The following EPHA6 variants were observed in gnomAD, a reference collection of about 807,000 sequenced individuals.
EPHA6 encodes ephrin type-A receptor 6.
In EPHA6, 50 loss-of-function variants were observed where a neutral mutation model predicts 112.0. That is an observed-to-expected ratio of 0.45 (90% CI 0.36 to 0.56). The LOEUF is 0.56. Ranked by LOEUF, EPHA6 falls within the 20% of genes least tolerant of loss-of-function variation. The pLI, the probability that EPHA6 is intolerant of heterozygous loss-of-function variation, is 0.00. For missense variants in EPHA6, 1,280 were observed against 1,417.4 expected (o/e 0.90, Z 1.56); for synonymous variants, 529 against 490.7 (o/e 1.08, Z -1.03).
chr3:97,572,147 C>CTTT (rs869271956), intron 11 of EPHA6, among the ~76,000 whole-genome samples: 60 of 128,364 alleles, frequency 4.7e-4, no homozygotes, highest in Non-Finnish European at 6.0e-4. Context: ...ATCTCTTTTC[C>CTTT]TTTTTTTTTT....
At chr3:97,035,891 G>C (rs2045073557) in intron 3 of EPHA6, among the ~76,000 whole-genome samples, 1 of 151,914 alleles carries the variant, frequency 6.6e-6, no homozygotes, top group Non-Finnish European at 1.5e-5. Flanking sequence ...GTGGAAATCG[G>C]ATTCTCAGTG....
intron 5 of EPHA6, among the ~76,000 whole-genome samples, chr3:97,347,066 A>T (rs897896598): frequency 6.6e-6 from 1 of 152,218 alleles, no homozygotes; most frequent in South Asian, 2.1e-4. Flanking sequence ...GAAAAATGGT[A>T]ATTGGAGAGA....
At chr3:97,081,362 T>G (rs2108199231) in intron 3 of EPHA6, among the ~76,000 whole-genome samples, 1 of 151,900 alleles carries the variant, frequency 6.6e-6, no homozygotes, top group African/African-American at 2.4e-5. Context: ...CAATAGAAAA[T>G]CAGGCAAAGG....
chr3:97,264,976 G>C (rs748847748), intron 5 of EPHA6, among the ~76,000 whole-genome samples: 12 of 152,188 alleles, frequency 7.9e-5, no homozygotes, highest in Non-Finnish European at 1.8e-4. Flanking sequence ...TTGTCCCAAC[G>C]AGCGTTCAGC....
intron 10 of EPHA6, 67 bp from the exon 11 acceptor site, chr3:97,532,291 C>A: frequency 7.3e-7 from 1 of 1,379,164 alleles, no homozygotes; most frequent in Non-Finnish European, 9.9e-7. Flanking sequence ...CACTGTATGA[C>A]AGTTTGACTC....
chr3:97,343,584 TGACCCATAGACTTAA>T (rs1193017889), intron 5 of EPHA6, among the ~76,000 whole-genome samples: 9 of 152,240 alleles, frequency 5.9e-5, no homozygotes, highest in Admixed American at 1.3e-4. Flanking sequence ...AGTGTGGGTG[TGACCCATAGACTTAA>T]TTGGCCATCT....
At position 97,757,975 on chromosome 3, in the gene EPHA6, T is replaced by C. The variant is rs1044415116; in HGVS notation, c.*9274T>C. ...TCTTTTATTTAATATTAGTCTGATA[T>C]CCCCTAAAATTTGCTAGAGAAAGCA... On this transcript the variant is annotated 3_prime_UTR_variant, in exon 18 of 18. Transcript: ENST00000389672. 2.6e-5 allele frequency among the ~76,000 whole-genome samples: 4 copies of C among 151,906 alleles called. No homozygotes were observed. The highest frequency in any genetic ancestry group is 5.9e-5 in the Non-Finnish European group (4 of 67,822).
intron 3 of EPHA6, among the ~76,000 whole-genome samples, chr3:97,174,510 C>T (rs1324634937): frequency 6.6e-6 from 1 of 151,862 alleles, no homozygotes; most frequent in Non-Finnish European, 1.5e-5. Context: ...ATTTACATTC[C>T]CACACAGTAT....
intron 2 of EPHA6, among the ~76,000 whole-genome samples, chr3:96,941,245 G>A (rs1188020100): frequency 3.3e-5 from 5 of 152,124 alleles, no homozygotes; most frequent in South Asian, 2.1e-4. Context: ...CCAATCAGTC[G>A]TAGATTTGTT....
chr3:97,736,133 G>A lies in EPHA6; in HGVS notation c.3128+15G>A. ...GACATCCTTGTGTAAGAGGCATAAT[G>A]TTGAGTTTTTTTCTTCTTGACAATT... On this transcript the variant is annotated intron_variant, in intron 16 of 17. Coordinates refer to ENST00000389672, the MANE Select transcript of EPHA6 (RefSeq NM_001080448.3). The A allele has an allele frequency of 5.0e-6, 8 of 1,590,706 alleles. No individual in the cohort carries two copies. Among genetic ancestry groups the A allele is most frequent in the Non-Finnish European group, 6.0e-6 (7 of 1,165,332 alleles).
In EPHA6 at chr3:96,854,328, C is replaced by T. The variant is rs370037578; in HGVS notation, c.386-12497C>T. On this transcript the variant is annotated intron_variant, in intron 1 of 17. Coordinates refer to ENST00000389672, the MANE Select transcript of EPHA6 (RefSeq NM_001080448.3). Reference sequence around the variant, plus strand: ...CCAAGTAGCTGGGACTACAGGTGCACGCCACCACACCCAGCTAATTTTTGT... The same window carrying T: ...CCAAGTAGCTGGGACTACAGGTGCATGCCACCACACCCAGCTAATTTTTGT... Among the ~76,000 whole-genome samples the T allele has an allele frequency of 4.6e-4, 70 of 151,664 alleles. No individual in the cohort carries two copies. The East Asian group carries it at 0.012, about 25-fold the overall frequency.
At chr3:97,743,183 G>C (rs1011262996) in intron 16 of EPHA6, among the ~76,000 whole-genome samples, 5 of 152,102 alleles carry the variant, frequency 3.3e-5, no homozygotes, top group African/African-American at 9.6e-5. Flanking sequence ...TACTCTTCTA[G>C]GTTCTTTATT....
chr3:97,523,955 A>G (rs540298281), intron 10 of EPHA6, among the ~76,000 whole-genome samples: 1 of 152,118 alleles, frequency 6.6e-6, no homozygotes, highest in East Asian at 1.9e-4. Context: ...CTCTTATTCC[A>G]TACCTTTGCT....
intron 2 of EPHA6, among the ~76,000 whole-genome samples, chr3:96,913,206 ACACACAC>A (rs1559825519): frequency 8.4e-6 from 1 of 119,058 alleles, no homozygotes; most frequent in African/African-American, 3.3e-5. Flanking sequence ...ACACACACAC[ACACACAC>A]CACACACACG....
intron 3 of EPHA6, among the ~76,000 whole-genome samples, chr3:97,084,359 G>A (rs912811847): frequency 2.7e-5 from 4 of 150,652 alleles, no homozygotes; most frequent in Admixed American, 1.3e-4. Flanking sequence ...ATATACACAC[G>A]CACACAAATA....
At chr3:97,600,624 C>G (rs907335439) in intron 12 of EPHA6, among the ~76,000 whole-genome samples, 1 of 151,968 alleles carries the variant, frequency 6.6e-6, no homozygotes, top group East Asian at 1.9e-4. Context: ...ACTCTCTTCC[C>G]CAAGAAAATG....
chr3:97,380,758 CA>C (rs1399250049), intron 5 of EPHA6, among the ~76,000 whole-genome samples: 4 of 152,022 alleles, frequency 2.6e-5, no homozygotes, highest in African/African-American at 9.7e-5. Flanking sequence ...TTTATGTAGC[CA>C]AATATCCATC....
chr3:97,521,242 T>C (rs1478605137), intron 10 of EPHA6, among the ~76,000 whole-genome samples: 1 of 152,118 alleles, frequency 6.6e-6, no homozygotes, highest in Non-Finnish European at 1.5e-5. Context: ...TTGTGTTCCT[T>C]TGGAGGTGTC....
intron 11 of EPHA6, among the ~76,000 whole-genome samples, chr3:97,562,128 T>G (rs1233436851): frequency 3.9e-5 from 6 of 152,166 alleles, no homozygotes; most frequent in Non-Finnish European, 8.8e-5. Context: ...TTTTCGTGCC[T>G]GCTTAGAAAA....
Sources: allele counts gnomAD v4.1 joint callset (sites outside exome capture counted in the v4.1 genomes callset), GRCh38; gene constraint gnomAD v4.1.1; transcripts MANE v1.5; gene names NCBI Gene and HGNC (gene_info 2026-07-23, HGNC 2026-07-21).